The following KDM4C variants were observed in gnomAD, a reference collection of about 807,000 sequenced individuals.
KDM4C encodes the protein lysine-specific demethylase 4C.
A neutral mutation model predicts 129.3 loss-of-function variants in KDM4C; 81 were observed. That is an observed-to-expected ratio of 0.63 (90% CI 0.52 to 0.75). The LOEUF is 0.75. Among genes scored for constraint, KDM4C ranks in the 30% least tolerant of loss-of-function variants. The pLI, the probability that KDM4C is intolerant of heterozygous loss-of-function variation, is 0.00. For missense variants in KDM4C, 1,457 were observed against 1,304.0 expected (o/e 1.12, Z -1.81); for synonymous variants, 573 against 456.1 (o/e 1.26, Z -3.26).
exon 1 of KDM4C, chr9:6,720,863 A>T: frequency 8.3e-7 from 1 of 1,198,040 alleles, no homozygotes; most frequent in Non-Finnish European, 1.2e-6. Flanking sequence ...CACTCCACAG[A>T]TGGCTGACAT....
At position 6,981,085 on chromosome 9, in the gene KDM4C, A is replaced by C; in HGVS notation, c.1082A>C (p.Gln361Pro). The C allele has an allele frequency of 6.2e-7, 1 of 1,613,222 alleles. No homozygotes were observed. Among genetic ancestry groups the C allele is most frequent in the Non-Finnish European group, 8.5e-7 (1 of 1,179,598 alleles). ...ASTPEVKAWL[Q>P]RRRKVRKASR... ...ACCCCTGAAGTAAAAGCATGGCTGCAGAGGAGGAGGAAAGTAAGAAAAGCA... is the reference window on the plus strand; with the variant it reads ...ACCCCTGAAGTAAAAGCATGGCTGCCGAGGAGGAGGAAAGTAAGAAAAGCA... The change falls in exon 9 of 22, where the codon CAG (glutamine) becomes CCG (proline). Residue 361 changes from glutamine to proline, a missense_variant. Physicochemically the swap from Gln to Pro is moderately conservative, Grantham distance 76 (BLOSUM62 -1). Transcript: ENST00000381309.
At chr9:7,103,328 C>A (rs1045656456) in intron 17 of KDM4C, among the ~76,000 whole-genome samples, 1 of 152,170 alleles carries the variant, frequency 6.6e-6, no homozygotes, top group Non-Finnish European at 1.5e-5. Flanking sequence ...TGCAGGAGGG[C>A]AAAACAGAAG....
intron 4 of KDM4C, among the ~76,000 whole-genome samples, chr9:6,825,146 C>CAAAAAAA (rs776343731): frequency 1.3e-5 from 1 of 79,948 alleles, no homozygotes; most frequent in African/African-American, 4.5e-5. Context: ...AACTCGGTCT[C>CAAAAAAA]AAAAAAAAAA....
At chr9:6,961,256 T>C (rs1563891055) in intron 8 of KDM4C, among the ~76,000 whole-genome samples, 1 of 152,358 alleles carries the variant, frequency 6.6e-6, no homozygotes, top group Non-Finnish European at 1.5e-5. Context: ...GCTTGATAAT[T>C]ATCCAGTGGT....
intron 12 of KDM4C, among the ~76,000 whole-genome samples, chr9:7,009,539 C>A (rs1213246584): frequency 6.6e-6 from 1 of 152,014 alleles, no homozygotes; most frequent in African/African-American, 2.4e-5. Context: ...CTTTTTGTTA[C>A]CTCTGTAAGT....
chr9:6,913,317 T>G (rs1286519964), intron 8 of KDM4C, among the ~76,000 whole-genome samples: 1 of 152,216 alleles, frequency 6.6e-6, no homozygotes, highest in Non-Finnish European at 1.5e-5. Context: ...CAAGTTGATT[T>G]AAAACAAGTA....
intron 2 of KDM4C, among the ~76,000 whole-genome samples, chr9:6,805,199 A>G (rs560129352): frequency 3.7e-4 from 57 of 152,310 alleles, no homozygotes; most frequent in African/African-American, 1.3e-3. Flanking sequence ...GCGCCCTGCC[A>G]ATTTCATCTA....
chr9:7,021,433 C>G (rs550014144), intron 15 of KDM4C, among the ~76,000 whole-genome samples: 23 of 152,318 alleles, frequency 1.5e-4, no homozygotes, highest in African/African-American at 4.8e-4. Flanking sequence ...GCGTGAGCCA[C>G]TGGGCCTGGC....
intron 7 of KDM4C, among the ~76,000 whole-genome samples, 154 bp downstream of exon 7, chr9:6,888,217 C>T (rs558644516): frequency 4.1e-4 from 62 of 152,138 alleles, no homozygotes; most frequent in Admixed American, 2.4e-3. Context: ...TATCTAAATC[C>T]TAATTAGAAA....
intron 21 of KDM4C, among the ~76,000 whole-genome samples, chr9:7,171,367 C>T (rs1264136678): frequency 6.6e-6 from 1 of 152,166 alleles, no homozygotes; most frequent in African/African-American, 2.4e-5. Flanking sequence ...TGTCGCTGTT[C>T]TGAGACCTGA....
At position 6,804,183 on chromosome 9, in the gene KDM4C, T is replaced by A. The variant is rs577511385; in HGVS notation, c.145-1416T>A. Among the ~76,000 whole-genome samples, 16 of 152,364 alleles carry A rather than the reference T, an allele frequency of 1.1e-4. No individual in the cohort carries two copies. In the South Asian group the frequency reaches 2.5e-3, roughly 24 times the overall value. ...TTTTGGTCTTAATGTTTTCTGTATC[T>A]TTTCACTCTTAGTAATTAAGTACTT... On this transcript the variant is annotated intron_variant, in intron 2 of 21. Transcript: ENST00000381309.
intron 17 of KDM4C, among the ~76,000 whole-genome samples, chr9:7,050,162 A>T (rs1829943319): frequency 6.6e-6 from 1 of 152,032 alleles, no homozygotes; most frequent in African/African-American, 2.4e-5. Context: ...GTGAAAGTGA[A>T]CACTGTTATT....
intron 15 of KDM4C, 136 bp from the exon 16 acceptor site, chr9:7,046,726 A>C (rs556998638): frequency 3.1e-5 from 22 of 704,986 alleles, no homozygotes; most frequent in Non-Finnish European, 5.4e-5. Flanking sequence ...AACTTCTCAG[A>C]GATAGACCTT....
At chr9:7,076,667 T>C (rs925826150) in intron 17 of KDM4C, 21 of 1,313,212 alleles carry the variant, frequency 1.6e-5, no homozygotes, top group Admixed American at 7.3e-5. Context: ...GTCATTTTCC[T>C]CTGGATCCTC....
At position 7,019,448 on chromosome 9, in the gene KDM4C, A is replaced by AT. The variant is rs33966771; in HGVS notation, c.2259+3529dup. On this transcript the variant is annotated intron_variant, in intron 15 of 21. Transcript: ENST00000381309. ...TAACTCTCATTCCTAATTCCCTGGA[A>AT]TTTTTTTTTTAAAAAACCTGCCTTG... is the stretch of plus-strand genomic sequence containing the variant. Among the ~76,000 whole-genome samples the AT allele has an allele frequency of 6.0e-5, 9 of 150,618 alleles. No homozygotes were observed. The South Asian group carries it at 1.0e-3, about 17-fold the overall frequency.
intron 4 of KDM4C, among the ~76,000 whole-genome samples, chr9:6,833,532 C>A: frequency 6.6e-6 from 1 of 152,284 alleles, no homozygotes; most frequent in South Asian, 2.1e-4. Flanking sequence ...CCTTGAACCC[C>A]GGCCCTGTGA....
intron 1 of KDM4C, among the ~76,000 whole-genome samples, chr9:6,733,642 G>T (rs951902814): frequency 2.0e-5 from 3 of 152,250 alleles, no homozygotes; most frequent in Admixed American, 1.3e-4. Flanking sequence ...CCAAGAGAGG[G>T]TTGTTGGATC....
At chr9:6,842,318 T>C (rs946430319) in intron 4 of KDM4C, among the ~76,000 whole-genome samples, 3 of 136,210 alleles carry the variant, frequency 2.2e-5, no homozygotes, top group Non-Finnish European at 3.2e-5. Context: ...ATTTCTTTTT[T>C]TTTTTTTTTT....
At chr9:6,767,694 C>T (rs1036434368) in intron 1 of KDM4C, among the ~76,000 whole-genome samples, 2 of 151,864 alleles carry the variant, frequency 1.3e-5, no homozygotes, top group Non-Finnish European at 2.9e-5. Flanking sequence ...GTCCTGACCT[C>T]AGGTGATGTC....
Sources: allele counts gnomAD v4.1 joint callset (sites outside exome capture counted in the v4.1 genomes callset), GRCh38; gene constraint gnomAD v4.1.1; transcripts MANE v1.5; gene names NCBI Gene and HGNC (gene_info 2026-07-23, HGNC 2026-07-21).